Variants in CHRNE observed in about 807,000 individuals in gnomAD.
The protein encoded by CHRNE is cholinergic receptor nicotinic epsilon subunit.
Under a neutral mutation model 56.5 loss-of-function variants are expected in CHRNE, and 58 were observed. That is an observed-to-expected ratio of 1.03 (90% CI 0.83 to 1.28). The LOEUF is 1.28. CHRNE is among the 50% of genes most tolerant of loss of function. The pLI, the probability that CHRNE is intolerant of heterozygous loss-of-function variation, is 0.00. For missense variants in CHRNE, 793 were observed against 688.9 expected, an observed-to-expected ratio of 1.15 and a Z score of -1.69; for synonymous variants, 385 against 297.9, an observed-to-expected ratio of 1.29 and a Z score of -3.01.
upstream of CHRNE, among the ~76,000 whole-genome samples, chr17:4,907,125 T>C (rs1970100445): frequency 6.6e-6 from 1 of 152,116 alleles, no homozygotes; most frequent in Non-Finnish European, 1.5e-5. Flanking sequence ...TACTATTTGA[T>C]AGCACAACAG....
chr17:4,899,024 T>C lies in CHRNE; in HGVS notation c.1303A>G (p.Arg435Gly). 2 of 1,608,730 alleles carry C rather than the reference T, an allele frequency of 1.2e-6. No individual in the cohort carries two copies. The highest frequency in any genetic ancestry group is 4.5e-5 in the East Asian group (2 of 44,756). ...DAVNFVAEST[R>G]DQEATGEEVS... ...ACCTCGCCGGTGGCCTCCTGATCTC[T>C]CGTGCTCTCGGCCACGAAGTTCACG... is the stretch of plus-strand genomic sequence containing the variant. Residue 435 changes from arginine to glycine, a missense_variant, in exon 11 of 12, where the codon AGA becomes GGA. Coordinates refer to ENST00000649488, the MANE Select transcript of CHRNE (RefSeq NM_000080.4).
At chr17:4,901,804 C>G in intron 5 of CHRNE, 128 bp downstream of exon 5, 2 of 1,413,244 alleles carry the variant, frequency 1.4e-6, no homozygotes, top group Non-Finnish European at 2.0e-6. Flanking sequence ...GCGTCCCACC[C>G]AGTGCCTACG....
Position 4,899,882 on chromosome 17 carries a change from T to C in CHRNE, c.918-300A>G, listed in dbSNP as rs893785612. 5.8e-6 allele frequency: 9 copies of C among 1,545,082 alleles called. No individual in the cohort carries two copies. In the African/African-American group the frequency reaches 1.1e-4, roughly 19 times the overall value. ...CTCGAGACCTTCTGGGTAGGTCTCC[T>C]GTTCGCCCCTGTGACCCCTGCCCTG... is the stretch of plus-strand genomic sequence containing the variant. On this transcript the variant is annotated intron_variant, in intron 8 of 11. Coordinates refer to ENST00000649488, the MANE Select transcript of CHRNE (RefSeq NM_000080.4).
chr17:4,899,840 CCCG>C (rs1271074242), intron 8 of CHRNE: 6 of 1,551,208 alleles, frequency 3.9e-6, no homozygotes, highest in South Asian at 3.6e-5. Flanking sequence ...TGAGGCTACG[CCCG>C]CCAAGGGCTG....
At position 4,898,762 on chromosome 17, in the gene CHRNE, G is replaced by A. The variant is rs781565995; in HGVS notation, c.1456C>T (p.Pro486Ser). 4 of 1,611,162 alleles carry A rather than the reference G, an allele frequency of 2.5e-6. No homozygotes were observed. Among genetic ancestry groups the A allele is most frequent in the East Asian group, 2.2e-5 (1 of 44,812 alleles). Residue 486 changes from proline to serine, a missense_variant, in exon 12 of 12, where the codon CCC becomes TCC. Coordinates refer to ENST00000649488, the MANE Select transcript of CHRNE (RefSeq NM_000080.4). ...TAAGGCTGGATACACGGCGCGTAGG[G>A]GAGATCAGGCACTCGGTTGAAGTAG... ...GAYFNRVPDL[P>S]YAPCIQP
chr17:4,900,265 C>T (rs549786886), intron 8 of CHRNE: 3 of 1,546,092 alleles, frequency 1.9e-6, no homozygotes, highest in South Asian at 1.2e-5. Flanking sequence ...CAGCAGGAGG[C>T]GCGGCGACTA....
chr17:4,899,128 G>T, intron 10 of CHRNE, 21 bp from the exon 11 acceptor site: 2 of 1,602,762 alleles, frequency 1.2e-6, no homozygotes, highest in Non-Finnish European at 1.7e-6. Context: ...AAACACCGGG[G>T]TGGGCCTTAG....
intron 8 of CHRNE, 101 bp downstream of exon 8, chr17:4,900,692 G>A (rs887616799): frequency 2.0e-6 from 3 of 1,467,820 alleles, no homozygotes; most frequent in Admixed American, 2.0e-5. Context: ...ATAAAGCCCA[G>A]GGCGGGGCGA....
At chr17:4,899,890 CCT>C (rs752694493) in intron 8 of CHRNE, 376 of 1,548,576 alleles carry the variant, frequency 2.4e-4, no homozygotes, top group Non-Finnish European at 3.1e-4. Flanking sequence ...CCTGTTCGCC[CCT>C]GTGACCCCTG....
upstream of CHRNE, among the ~76,000 whole-genome samples, chr17:4,904,723 T>G (rs1970069750): frequency 6.6e-6 from 1 of 152,176 alleles, no homozygotes; most frequent in African/African-American, 2.4e-5. Flanking sequence ...ATTTTACCCT[T>G]CACAAAACAC....
At chr17:4,900,578 C>A in intron 8 of CHRNE, 8 of 1,548,070 alleles carry the variant, frequency 5.2e-6, no homozygotes, top group Non-Finnish European at 7.0e-6. Flanking sequence ...CCGGACTGTC[C>A]CCCAAGAGAG....
rs977608526 is a variant in CHRNE, at chr17:4,902,986, T to A, written c.46+32A>T. ...GTCCCTTCATGTCAGTATCTGTGTG[T>A]GTCCAATTGCCCCTCTAGCCCCTGT... On this transcript the variant is annotated intron_variant, in intron 1 of 11. Coordinates refer to ENST00000649488, the MANE Select transcript of CHRNE (RefSeq NM_000080.4). The surrounding 1 kb of genome is among the most constrained non-coding windows in gnomAD (Gnocchi z 4.0). 3.7e-6 allele frequency: 6 copies of A among 1,613,748 alleles called. No homozygotes were observed. The African/African-American group carries it at 8.0e-5, about 22-fold the overall frequency.
Position 4,902,507 on chromosome 17 carries a change from G to A in CHRNE, c.190-13C>T, listed in dbSNP as rs369898827. 1 of 1,614,202 alleles carries A rather than the reference G, an allele frequency of 6.2e-7. No homozygotes were observed. The highest frequency in any genetic ancestry group is 8.5e-7 in the Non-Finnish European group (1 of 1,180,044). On this transcript the variant is annotated splice_polypyrimidine_tract_variant and intron_variant, in intron 2 of 11. Coordinates refer to ENST00000649488, the MANE Select transcript of CHRNE (RefSeq NM_000080.4). The surrounding 1 kb of genome is among the most constrained non-coding windows in gnomAD (Gnocchi z 4.0). ...CCTCTTTTTCATTCTGCAGATGGGA[G>A]ATGGGGATGATTGAAGTGAGATTTC... is the stretch of plus-strand genomic sequence containing the variant.
chr17:4,901,905 T>C (rs747032583), intron 5 of CHRNE, 27 bp downstream of exon 5: 5 of 1,114,216 alleles, frequency 4.5e-6, no homozygotes, highest in Non-Finnish European at 6.4e-6. Context: ...ACAATAATCG[T>C]CCGGGCCTCG....
chr17:4,900,521 C>G, intron 8 of CHRNE: 2 of 1,550,792 alleles, frequency 1.3e-6, no homozygotes, highest in Non-Finnish European at 1.7e-6. Flanking sequence ...GCTCAGGACA[C>G]GGGGTGAGTT....
upstream of CHRNE, among the ~76,000 whole-genome samples, chr17:4,906,012 C>A (rs1295825378): frequency 6.6e-6 from 1 of 152,202 alleles, no homozygotes; most frequent in East Asian, 1.9e-4. Context: ...CCTCTCACTT[C>A]GTCAGCACTG....
chr17:4,900,449 T>G, intron 8 of CHRNE: 1 of 1,551,102 alleles, frequency 6.4e-7, no homozygotes, highest in Non-Finnish European at 8.7e-7. Context: ...TGCAGGGGTC[T>G]GCCTCATTCC....
At chr17:4,901,884 G>GCCCCCC in intron 5 of CHRNE, 48 bp downstream of exon 5, 1 of 1,526,280 alleles carries the variant, frequency 6.6e-7, no homozygotes, top group Non-Finnish European at 9.0e-7. Flanking sequence ...GCCCCATAAG[G>GCCCCCC]CCCCCCCCCA....
chr17:4,904,810 G>T (rs1427082915), upstream of CHRNE, among the ~76,000 whole-genome samples: 2 of 152,154 alleles, frequency 1.3e-5, no homozygotes, highest in Non-Finnish European at 2.9e-5. Flanking sequence ...TACAAGCGAG[G>T]ACACATCAAA....
Sources: gnomAD v4.1 joint callset for allele counts (sites outside exome capture counted in the v4.1 genomes callset) on GRCh38, gnomAD v4.1.1 for gene constraint, Gnocchi (gnomAD v3.1) non-coding constraint, MANE v1.5 for transcripts, NCBI Gene and HGNC (gene_info 2026-07-23, HGNC 2026-07-21) for gene names.